Variants in SHOC2 observed in about 807,000 individuals in gnomAD.
SHOC2 encodes the protein SHOC2 leucine rich repeat scaffold protein, also known as leucine-rich repeat protein SHOC-2.
A neutral mutation model predicts 50.2 loss-of-function variants in SHOC2; 4 were observed. That is an observed-to-expected ratio of 0.08 (90% confidence interval 0.04 to 0.18). SHOC2 has a LOEUF of 0.18. Ranked by LOEUF, SHOC2 falls within the 10% of genes least tolerant of loss-of-function variation. The pLI is 1.00. For missense variants in SHOC2, 388 were observed against 669.6 expected (o/e 0.58, Z 4.64); for synonymous variants, 218 against 244.5 (o/e 0.89, Z 1.01).
chr10:110,924,008 C>G (rs1755408766), intron 1 of SHOC2, among the ~76,000 whole-genome samples: 1 of 152,000 alleles, frequency 6.6e-6, no homozygotes, highest in Non-Finnish European at 1.5e-5. Flanking sequence ...TTAATTTGAT[C>G]AGTTACATTT....
chr10:110,945,687 C>G (rs558017444), intron 1 of SHOC2, among the ~76,000 whole-genome samples: 1 of 152,248 alleles, frequency 6.6e-6, no homozygotes, highest in East Asian at 1.9e-4. Flanking sequence ...CCACCCCAAC[C>G]CCACTCAGAC....
chr10:111,007,263 T>C (rs535199392), intron 5 of SHOC2, among the ~76,000 whole-genome samples: 1 of 152,296 alleles, frequency 6.6e-6, no homozygotes, highest in African/African-American at 2.4e-5. Context: ...TCTCCAGTGT[T>C]TCTCTGTATA....
Position 110,936,705 on chromosome 10 carries a change from G to A in SHOC2, c.-235+17048G>A, listed in dbSNP as rs1847024117. On this transcript the variant is annotated intron_variant, in intron 1 of 8. Transcript: ENST00000369452. The stretch of plus-strand genomic sequence containing the variant: ...ATGTTCCTCTTGGCCTGTTTCCGTA[G>A]GCTTATGAGCTCTTTCTTCTTCCGG... The A allele has an allele frequency of 3.2e-6, 3 of 935,216 alleles. No homozygotes were observed. The East Asian group carries it at 7.3e-5, about 23-fold the overall frequency. 57.9% of individuals were successfully genotyped at this position (935,216 alleles called of 1,614,324 possible). A position where few individuals can be genotyped will look rare whatever the true frequency, so the allele number is the denominator to read the frequency against.
At chr10:110,936,113 T>TC (rs397806456) in intron 1 of SHOC2, among the ~76,000 whole-genome samples, 48 of 150,998 alleles carry the variant, frequency 3.2e-4, no homozygotes, top group Non-Finnish European at 5.9e-4. Flanking sequence ...TTTTTTTTTT[T>TC]GAGTCGGAGT....
intron 1 of SHOC2, among the ~76,000 whole-genome samples, chr10:110,925,236 TTAAAAA>T (rs1846743760): frequency 1.3e-5 from 2 of 152,172 alleles, no homozygotes; most frequent in Admixed American, 6.5e-5. Flanking sequence ...TGAGTACACT[TTAAAAA>T]ACACTTTCCA....
intron 1 of SHOC2, among the ~76,000 whole-genome samples, chr10:110,921,315 A>G (rs1186778412): frequency 6.6e-6 from 1 of 152,246 alleles, no homozygotes; most frequent in Non-Finnish European, 1.5e-5. Flanking sequence ...TTATTTGGAC[A>G]TAAAGTATAT....
intron 1 of SHOC2, among the ~76,000 whole-genome samples, chr10:110,953,305 C>T (rs540385773): frequency 6.6e-6 from 1 of 152,290 alleles, no homozygotes; most frequent in East Asian, 1.9e-4. Flanking sequence ...ATTTGCATTT[C>T]TCTAATGATC....
At chr10:110,921,867 G>A (rs1846659158) in intron 1 of SHOC2, among the ~76,000 whole-genome samples, 1 of 151,630 alleles carries the variant, frequency 6.6e-6, no homozygotes, top group African/African-American at 2.4e-5. Flanking sequence ...TTTTCTGATC[G>A]CTCATTATTA....
intron 1 of SHOC2, among the ~76,000 whole-genome samples, chr10:110,944,112 T>C (rs1847203655): frequency 6.6e-6 from 1 of 152,196 alleles, no homozygotes; most frequent in Non-Finnish European, 1.5e-5. Context: ...AAACATACCT[T>C]GGAAAATTTA....
At chr10:110,985,919 T>G in intron 3 of SHOC2, 154 bp downstream of exon 3, 1 of 667,422 alleles carries the variant, frequency 1.5e-6, no homozygotes. Context: ...AAATCATTTT[T>G]CATTTCCTTT....
intron 1 of SHOC2, chr10:110,937,010 GC>G: frequency 6.7e-7 from 1 of 1,482,592 alleles, no homozygotes; most frequent in Non-Finnish European, 9.4e-7. Flanking sequence ...GGGGCTGGGG[GC>G]CCGGAAGTGG....
chr10:110,942,035 T>A (rs1847156082), intron 1 of SHOC2, among the ~76,000 whole-genome samples: 1 of 152,202 alleles, frequency 6.6e-6, no homozygotes, highest in African/African-American at 2.4e-5. Flanking sequence ...ATCCAAAGAA[T>A]TTTTCATTCT....
At chr10:110,968,498 A>T (rs935334373) in intron 2 of SHOC2, among the ~76,000 whole-genome samples, 18 of 151,764 alleles carry the variant, frequency 1.2e-4, no homozygotes, top group Admixed American at 6.6e-5. Flanking sequence ...TAATTTTGTT[A>T]AACTTTCATT....
intron 3 of SHOC2, among the ~76,000 whole-genome samples, chr10:110,992,203 C>T (rs1430580013): frequency 1.3e-5 from 2 of 152,014 alleles, no homozygotes; most frequent in African/African-American, 2.4e-5. Context: ...AAGCTAGTAT[C>T]GCTGACAACT....
At chr10:110,999,901 TA>T (rs775172932) in intron 3 of SHOC2, among the ~76,000 whole-genome samples, 99 of 152,238 alleles carry the variant, frequency 6.5e-4, no homozygotes, top group Non-Finnish European at 1.1e-3. Flanking sequence ...AGAAATTTTT[TA>T]CCATCAGGCC....
chr10:110,973,788 A>C (rs1847826601), intron 2 of SHOC2, among the ~76,000 whole-genome samples: 1 of 151,938 alleles, frequency 6.6e-6, no homozygotes, highest in Non-Finnish European at 1.5e-5. Context: ...TTGATCTGTC[A>C]GGGCGTTTGT....
At chr10:110,931,852 C>G (rs535637741) in intron 1 of SHOC2, among the ~76,000 whole-genome samples, 126 of 152,094 alleles carry the variant, frequency 8.3e-4, no homozygotes, top group Middle Eastern at 3.5e-3. Flanking sequence ...AAGTATTGTC[C>G]TAAGTACTAG....
chr10:110,962,662 G>A (rs2134118624), intron 1 of SHOC2, among the ~76,000 whole-genome samples: 1 of 152,252 alleles, frequency 6.6e-6, no homozygotes, highest in African/African-American at 2.4e-5. Context: ...CTTCAGCAAA[G>A]TGACACATTT....
At chr10:110,936,730 G>A (rs1314590111) in intron 1 of SHOC2, 9 of 931,152 alleles carry the variant, frequency 9.7e-6, no homozygotes, top group Non-Finnish European at 1.7e-6. Flanking sequence ...TCTTCTTCCG[G>A]TAGTGGATTT....
Sources: allele counts gnomAD v4.1 joint callset (sites outside exome capture counted in the v4.1 genomes callset), GRCh38; gene constraint gnomAD v4.1.1; transcripts MANE v1.5; gene names NCBI Gene and HGNC (gene_info 2026-07-23, HGNC 2026-07-21).